Variants in TNS3 observed in about 807,000 individuals in gnomAD.
TNS3 encodes tensin 3.
A neutral mutation model predicts 140.9 loss-of-function variants in TNS3; 45 were observed. The observed-to-expected ratio is 0.32, with a 90% confidence interval of 0.25 to 0.41. The LOEUF is 0.41. Ranked by LOEUF, TNS3 falls within the 10% of genes least tolerant of loss-of-function variation. The pLI is 1.00. For missense variants in TNS3, 1,716 were observed against 1,906.7 expected, an observed-to-expected ratio of 0.90 and a Z score of 1.86; for synonymous variants, 815 against 788.4, an observed-to-expected ratio of 1.03 and a Z score of -0.56.
chr7:47,542,051 G>A (rs139172187), intron 1 of TNS3, among the ~76,000 whole-genome samples: 215 of 152,166 alleles, frequency 1.4e-3, no homozygotes, highest in African/African-American at 3.5e-3. Context: ...TCCATGCGTC[G>A]TGGGATGGGA....
intron 4 of TNS3, among the ~76,000 whole-genome samples, chr7:47,474,507 A>G (rs1797094690): frequency 1.3e-5 from 2 of 151,206 alleles, no homozygotes. Flanking sequence ...ACATGTACAC[A>G]CACACAACAC....
At chr7:47,568,120 T>G (rs1800470765) in intron 1 of TNS3, among the ~76,000 whole-genome samples, 1 of 152,158 alleles carries the variant, frequency 6.6e-6, no homozygotes, top group African/African-American at 2.4e-5. Context: ...CTTGAAAAGT[T>G]GGCACAGGGA....
chr7:47,531,527 T>A (rs2151944828), intron 1 of TNS3, among the ~76,000 whole-genome samples: 1 of 152,320 alleles, frequency 6.6e-6, no homozygotes, highest in South Asian at 2.1e-4. Context: ...AAATGCTAAT[T>A]ACACAGGTAA....
At chr7:47,366,454 C>T (rs1412027008) in intron 17 of TNS3, among the ~76,000 whole-genome samples, 1 of 152,208 alleles carries the variant, frequency 6.6e-6, no homozygotes, top group East Asian at 1.9e-4. Context: ...ACACCTTCCC[C>T]GGGCCAGGCA....
intron 16 of TNS3, among the ~76,000 whole-genome samples, chr7:47,378,194 G>A (rs1031189008): frequency 2.0e-5 from 3 of 152,108 alleles, no homozygotes; most frequent in African/African-American, 7.2e-5. Context: ...CCCCCTCTCT[G>A]GTCAAGTGAA....
chr7:47,560,686 C>T (rs1178381110), intron 1 of TNS3, among the ~76,000 whole-genome samples: 3 of 152,158 alleles, frequency 2.0e-5, no homozygotes, highest in Non-Finnish European at 4.4e-5. Context: ...TTTCCAGGGG[C>T]AACAGCAGCC....
At chr7:47,536,085 G>T (rs575213736) in intron 1 of TNS3, among the ~76,000 whole-genome samples, 11 of 152,336 alleles carry the variant, frequency 7.2e-5, no homozygotes, top group African/African-American at 2.6e-4. Context: ...GCCCACAGGG[G>T]GCCGGTATCT....
At position 47,400,855 on chromosome 7, in the gene TNS3, C is replaced by T. The variant is rs942846802; in HGVS notation, c.783G>A (p.Gln261=). The T allele has an allele frequency of 2.5e-6, 4 of 1,614,150 alleles. No individual in the cohort carries two copies. In the African/African-American group the frequency reaches 5.3e-5, roughly 22 times the overall value. The part of the protein sequence containing the change: ...SATRDVIFRL[Q]FHTGAVQGYG... ...AGCCCTGCACAGCCCCAGTGTGAAA[C>T]TGCAGGCGGAAAATGACGTCACGGG... Residue 261 remains glutamine, a synonymous_variant, in exon 14 of 31, where the codon CAG becomes CAA. Transcript: ENST00000311160.
chr7:47,546,376 G>A (rs1311843676), intron 1 of TNS3, among the ~76,000 whole-genome samples: 1 of 152,056 alleles, frequency 6.6e-6, no homozygotes, highest in Admixed American at 6.5e-5. Flanking sequence ...GAGCTCCCAG[G>A]ACCTGCCGTC....
intron 20 of TNS3, among the ~76,000 whole-genome samples, chr7:47,339,273 T>C (rs1788808602): frequency 6.6e-6 from 1 of 152,224 alleles, no homozygotes; most frequent in Non-Finnish European, 1.5e-5. Flanking sequence ...TCATAACTCT[T>C]TGCCTAGTGA....
chr7:47,297,035 T>C (rs1269812588), intron 24 of TNS3, 47 bp downstream of exon 24: 9 of 1,587,484 alleles, frequency 5.7e-6, no homozygotes, highest in Non-Finnish European at 7.7e-6. Context: ...CCAACAGAGT[T>C]TCTCTGTGGA....
chr7:47,554,612 G>A (rs958079007), intron 1 of TNS3, among the ~76,000 whole-genome samples: 1 of 152,210 alleles, frequency 6.6e-6, no homozygotes, highest in Non-Finnish European at 1.5e-5. Flanking sequence ...AATGTGCTGG[G>A]AACAGCAAGA....
At chr7:47,482,241 G>A (rs28428869) in intron 3 of TNS3, among the ~76,000 whole-genome samples, 6,277 of 152,288 alleles carry the variant, frequency 0.041, 176 homozygotes, top group Admixed American at 0.062. Context: ...GTGGTTTGGA[G>A]TGGGCGGCGG....
chr7:47,504,876 A>G (rs953393681), intron 3 of TNS3, among the ~76,000 whole-genome samples: 7 of 152,156 alleles, frequency 4.6e-5, no homozygotes, highest in African/African-American at 1.7e-4. Context: ...ATTTCCCCAC[A>G]CTGTGATCTG....
At position 47,550,927 on chromosome 7, in the gene TNS3, A is replaced by G. The variant is rs556870111; in HGVS notation, c.-264-21780T>C. Among the ~76,000 whole-genome samples the G allele has an allele frequency of 2.2e-4, 34 of 152,328 alleles. 1 individual carries two copies. In the East Asian group the frequency reaches 5.8e-3, roughly 26 times the overall value. On this transcript the variant is annotated intron_variant, in intron 1 of 30. Transcript: ENST00000311160. ...CCTAAACAGTCTTACCCCACTCCTG[A>G]GGAGTCATGCCACCCCAAAGAGACA...
intron 16 of TNS3, among the ~76,000 whole-genome samples, chr7:47,381,333 G>C (rs532692126): frequency 6.6e-6 from 1 of 152,324 alleles, no homozygotes; most frequent in East Asian, 1.9e-4. Flanking sequence ...ACTGCACACA[G>C]CATATTTTGT....
rs1437872029 is a variant in TNS3 at position 47,278,133 on chromosome 7, G to A, written c.4281C>T (p.Ala1427=). Residue 1427 remains alanine, a synonymous_variant, in exon 31 of 31, where the codon GCC becomes GCT. Coordinates refer to ENST00000311160, the MANE Select transcript of TNS3 (RefSeq NM_022748.12). ...TTGATACGAAGTTGACAATGGCACT[G>A]GCAGGCTGCTCAGGGTCATGCTCTG... ...LFAEHDPEQP[A]SAIVNFVSKV... 8 of 1,614,136 alleles carry A rather than the reference G, an allele frequency of 5.0e-6. No individual in the cohort carries two copies. The South Asian group carries it at 8.8e-5, about 18-fold the overall frequency.
At chr7:47,349,411 C>CCAGG (rs1479426699) in intron 17 of TNS3, among the ~76,000 whole-genome samples, 1 of 152,196 alleles carries the variant, frequency 6.6e-6, no homozygotes, top group Non-Finnish European at 1.5e-5. Context: ...ACTGGGACCA[C>CCAGG]CAGGAGTAAG....
intron 20 of TNS3, among the ~76,000 whole-genome samples, chr7:47,343,779 A>T (rs1789156769): frequency 6.6e-6 from 1 of 152,260 alleles, no homozygotes; most frequent in Non-Finnish European, 1.5e-5. Flanking sequence ...GCACTTACTG[A>T]GAAATACAGG....
Sources: allele counts gnomAD v4.1 joint callset (sites outside exome capture counted in the v4.1 genomes callset), GRCh38; gene constraint gnomAD v4.1.1; transcripts MANE v1.5; gene names NCBI Gene and HGNC (gene_info 2026-07-23, HGNC 2026-07-21).